The following GAS7 variants were observed in gnomAD, a reference collection of about 807,000 sequenced individuals.
GAS7 encodes the protein growth arrest specific 7.
In GAS7, 28 loss-of-function variants were observed where a neutral mutation model predicts 71.1. That is an observed-to-expected ratio of 0.39 (90% CI 0.29 to 0.54). The LOEUF is 0.54. Ranked by LOEUF, GAS7 falls within the 20% of genes least tolerant of loss-of-function variation. GAS7 has a pLI of 0.62. For missense variants in GAS7, 436 were observed against 627.8 expected, an observed-to-expected ratio of 0.69 and a Z score of 3.27; for synonymous variants, 258 against 245.8, an observed-to-expected ratio of 1.05 and a Z score of -0.46.
Position 10,198,521 on chromosome 17 carries a change from G to A in GAS7, c.-131C>T, listed in dbSNP as rs985744892. 5 of 511,184 alleles carry A rather than the reference G, an allele frequency of 9.8e-6. No individual in the cohort carries two copies. Among genetic ancestry groups the A allele is most frequent in the African/African-American group, 6.1e-5 (3 of 49,184 alleles). The allele number at this position is 511,184 out of a possible 1,614,324, so 31.7% of individuals were successfully genotyped here. On this transcript the variant is annotated 5_prime_UTR_variant, in exon 1 of 14. Transcript: ENST00000432992. ...GCTCTGGGCGCGCGCCGTCTCTGGG[G>A]TGCGCGGGGGTCCTCAGGCAGGCGG...
In GAS7 at chr17:10,025,464, C is replaced by T. The variant is rs971413811; in HGVS notation, c.184-5567G>A. Among the ~76,000 whole-genome samples, 3 of 151,850 alleles carry T rather than the reference C, an allele frequency of 2.0e-5. 1 individual carries two copies. Among genetic ancestry groups the T allele is most frequent in the African/African-American group, 4.8e-5 (2 of 41,288 alleles). ...GAGCATATGATGTGCAAAAATATCA[C>T]CGCCCGCGTCCAGGCCGTCACGTTC... is the stretch of plus-strand genomic sequence containing the variant. On this transcript the variant is annotated intron_variant, in intron 1 of 13. Transcript: ENST00000432992.
In GAS7 at chr17:10,037,653, C is replaced by T. The variant is rs116165370; in HGVS notation, c.184-17756G>A. 4.4e-3 allele frequency among the ~76,000 whole-genome samples: 670 copies of T among 150,562 alleles called. 4 individuals are homozygous for T. Among genetic ancestry groups the T allele is most frequent in the African/African-American group, 0.015 (627 of 40,950 alleles). On this transcript the variant is annotated intron_variant, in intron 1 of 13. Coordinates refer to ENST00000432992, the MANE Select transcript of GAS7 (RefSeq NM_201433.2). ...ATACTAGCTCCAAGACCCTGGGCAA[C>T]GGCTCCAGCTTCAATTTCTCCAAGT...
chr17:9,912,904 A>G lies in GAS7; in HGVS notation c.*4324T>C. On this transcript the variant is annotated 3_prime_UTR_variant, in exon 14 of 14. Coordinates refer to ENST00000432992, the MANE Select transcript of GAS7 (RefSeq NM_201433.2). Reference sequence around the variant, plus strand: ...AGGAGAAGGAACAAACCACACGCACACATCATGAATGACTCAAAAGCATTA... The same window carrying G: ...AGGAGAAGGAACAAACCACACGCACGCATCATGAATGACTCAAAAGCATTA... 1 of 233,090 alleles carries G rather than the reference A, an allele frequency of 4.3e-6. No individual in the cohort carries two copies. Among genetic ancestry groups the G allele is most frequent in the Non-Finnish European group, 8.5e-6 (1 of 117,934 alleles). The allele number at this position is 233,090 out of a possible 1,614,324, so 14.4% of individuals were successfully genotyped here. A position where few individuals can be genotyped will look rare whatever the true frequency, so the allele number is the denominator to read the frequency against.
chr17:10,122,490 A>C (rs537933127), intron 1 of GAS7, among the ~76,000 whole-genome samples: 1 of 152,178 alleles, frequency 6.6e-6, no homozygotes, highest in African/African-American at 2.4e-5. Context: ...GACCCGACTC[A>C]ACAACAACTC....
At chr17:10,038,712 T>TA (rs1236907160) in intron 1 of GAS7, among the ~76,000 whole-genome samples, 1 of 150,790 alleles carries the variant, frequency 6.6e-6, no homozygotes, top group African/African-American at 2.4e-5. Context: ...TTTTTTTTTT[T>TA]TTTTTGAGAC....
chr17:10,172,065 A>G (rs1289032287), intron 1 of GAS7, among the ~76,000 whole-genome samples: 2 of 152,182 alleles, frequency 1.3e-5, no homozygotes, highest in Non-Finnish European at 1.5e-5. Flanking sequence ...TACTAAGAAA[A>G]GCATACACCT....
chr17:10,110,353 G>A (rs555596887), intron 1 of GAS7, among the ~76,000 whole-genome samples: 3 of 152,294 alleles, frequency 2.0e-5, no homozygotes, highest in South Asian at 2.1e-4. Context: ...AGTTGCTCTC[G>A]TGGAGATGAG....
At chr17:10,016,048 G>A (rs2071982538) in intron 2 of GAS7, among the ~76,000 whole-genome samples, 1 of 152,172 alleles carries the variant, frequency 6.6e-6, no homozygotes, top group African/African-American at 2.4e-5. Flanking sequence ...ACATATTTGA[G>A]GCTCAAACTA....
chr17:9,918,621 C>T (rs753617427), intron 12 of GAS7, among the ~76,000 whole-genome samples: 2 of 152,202 alleles, frequency 1.3e-5, no homozygotes, highest in Non-Finnish European at 2.9e-5. Context: ...TGTCCCTGGG[C>T]CTCTGCTGAG....
At chr17:10,152,346 G>A (rs1443160965) in intron 1 of GAS7, among the ~76,000 whole-genome samples, 1 of 152,208 alleles carries the variant, frequency 6.6e-6, no homozygotes, top group East Asian at 1.9e-4. Context: ...ATTGAGGAAC[G>A]ATTCTGTGCT....
intron 1 of GAS7, among the ~76,000 whole-genome samples, chr17:10,145,388 A>G (rs1206051163): frequency 6.6e-6 from 1 of 152,208 alleles, no homozygotes; most frequent in African/African-American, 2.4e-5. Flanking sequence ...AGGTGACTGG[A>G]GGAAGCTCAG....
At chr17:10,133,282 C>A (rs1345022566) in intron 1 of GAS7, among the ~76,000 whole-genome samples, 1 of 151,916 alleles carries the variant, frequency 6.6e-6, no homozygotes, top group Non-Finnish European at 1.5e-5. Context: ...GCCACTACAC[C>A]CAGCTAAACT....
intron 1 of GAS7, among the ~76,000 whole-genome samples, chr17:10,136,827 C>A (rs2074042219): frequency 1.3e-5 from 2 of 152,132 alleles, no homozygotes; most frequent in African/African-American, 4.8e-5. Context: ...ACCTCTTAGA[C>A]CTCAAATCTG....
chr17:10,149,638 T>C (rs1453737765), intron 1 of GAS7, among the ~76,000 whole-genome samples: 1 of 152,174 alleles, frequency 6.6e-6, no homozygotes, highest in Non-Finnish European at 1.5e-5. Context: ...ACAAAAAAAC[T>C]TGTACACCAA....
chr17:10,160,236 C>T (rs1391412524), intron 1 of GAS7, among the ~76,000 whole-genome samples: 1 of 151,992 alleles, frequency 6.6e-6, no homozygotes, highest in South Asian at 2.1e-4. Flanking sequence ...ATGTAGGTTA[C>T]ACTTCAACTT....
At chr17:10,151,090 G>A (rs1259063171) in intron 1 of GAS7, among the ~76,000 whole-genome samples, 2 of 152,226 alleles carry the variant, frequency 1.3e-5, no homozygotes, top group African/African-American at 4.8e-5. Context: ...GTAGAAGCCT[G>A]TGAACTGAGG....
At chr17:10,169,861 T>C (rs753995194) in intron 1 of GAS7, among the ~76,000 whole-genome samples, 2 of 152,172 alleles carry the variant, frequency 1.3e-5, no homozygotes, top group African/African-American at 2.4e-5. Flanking sequence ...TGAACATATA[T>C]AGGAATCTCA....
At chr17:10,173,211 T>C (rs568530822) in intron 1 of GAS7, among the ~76,000 whole-genome samples, 11 of 152,160 alleles carry the variant, frequency 7.2e-5, no homozygotes, top group Non-Finnish European at 1.0e-4. Context: ...GGCTGCTTAA[T>C]GAGTATGGGT....
intron 2 of GAS7, among the ~76,000 whole-genome samples, chr17:10,002,087 G>A (rs1434978870): frequency 6.6e-6 from 1 of 150,462 alleles, no homozygotes; most frequent in Non-Finnish European, 1.5e-5. Context: ...CGGGGGAAGT[G>A]TGTCAGTTTC....
Sources: gnomAD v4.1 joint callset for allele counts (sites outside exome capture counted in the v4.1 genomes callset) on GRCh38, gnomAD v4.1.1 for gene constraint, MANE v1.5 for transcripts, NCBI Gene and HGNC (gene_info 2026-07-23, HGNC 2026-07-21) for gene names.